Variants in SLITRK5 observed in about 807,000 individuals in gnomAD.
The protein encoded by SLITRK5 is SLIT and NTRK like family member 5.
Under a neutral mutation model 56.2 loss-of-function variants are expected in SLITRK5, and 23 were observed. The ratio of observed to expected loss-of-function variants is 0.41; its 90% CI spans 0.29 to 0.58. The LOEUF is 0.58. Among genes scored for constraint, SLITRK5 ranks in the 20% least tolerant of loss-of-function variants. The pLI, the probability that SLITRK5 is intolerant of heterozygous loss-of-function variation, is 0.30. For missense variants in SLITRK5, 1,289 were observed against 1,226.6 expected (o/e 1.05, Z -0.76); for synonymous variants, 637 against 531.8 (o/e 1.20, Z -2.72).
chr13:87,674,778 G>C (rs1877198165), intron 1 of SLITRK5, among the ~76,000 whole-genome samples: 1 of 152,004 alleles, frequency 6.6e-6, no homozygotes, highest in South Asian at 2.1e-4. Context: ...AGCTTCTTGG[G>C]GCTCCTTTGA....
In SLITRK5 at chr13:87,677,645, C is replaced by A; in HGVS notation, c.2257C>A (p.Pro753Thr). 6.2e-7 allele frequency: 1 copy of A among 1,608,258 alleles called. No homozygotes were observed. The highest frequency in any genetic ancestry group is 8.5e-7 in the Non-Finnish European group (1 of 1,175,626). The change falls in exon 2 of 2, where the codon CCC becomes ACC. Residue 753 changes from proline to threonine, a missense_variant. By Grantham distance (38) the Pro-to-Thr change is conservative. Coordinates refer to ENST00000683689, the MANE Select transcript of SLITRK5 (RefSeq NM_001384609.1). The surrounding 1 kb of genome is among the most constrained non-coding windows in gnomAD (Gnocchi z 4.7). ...CGCGGGCCACGTGTATGAATACATC[C>A]CCCACCCACTGGGCCACATGTGCAA... ...TPAGHVYEYIPHPLGHMCKNP... is the reference protein window; with the variant it reads ...TPAGHVYEYITHPLGHMCKNP...
chr13:87,674,439 C>A, intron 1 of SLITRK5: 1 of 983,478 alleles, frequency 1.0e-6, no homozygotes, highest in Non-Finnish European at 1.2e-6. Flanking sequence ...CCTTGGTGTA[C>A]TGATTCCCGG....
rs1454179401 is a variant in SLITRK5 at position 87,671,446 on chromosome 13, A to G, written c.-772A>G. Among the ~76,000 whole-genome samples the G allele has an allele frequency of 6.6e-6, 1 of 152,016 alleles. No individual in the cohort carries two copies. Among genetic ancestry groups the G allele is most frequent in the African/African-American group, 2.4e-5 (1 of 41,408 alleles). ...CGCACCAGAGGCGCGACAATAAACA[A>G]GTGCACTGGACTGGGCCCTGCACCC... is the stretch of plus-strand genomic sequence containing the variant. On this transcript the variant is annotated 5_prime_UTR_variant, in exon 1 of 2. Transcript: ENST00000683689.
chr13:87,678,395 G>T lies in SLITRK5; in HGVS notation c.*130G>T, dbSNP rs567405547. 8.0e-5 allele frequency: 71 copies of T among 890,036 alleles called. No individual in the cohort carries two copies. In the African/African-American group the frequency reaches 1.1e-3, roughly 14 times the overall value. 55.1% of individuals were successfully genotyped at this position (890,036 alleles called of 1,614,324 possible). On this transcript the variant is annotated 3_prime_UTR_variant, in exon 2 of 2. Transcript: ENST00000683689. ...AAGTGCCTTGGCACGGGATTTCTCA[G>T]CTTCGGTGGAAGATACGAAAAGGGT...
chr13:87,674,007 AACACACACAC>A (rs71101016), intron 1 of SLITRK5, among the ~76,000 whole-genome samples: 84 of 142,608 alleles, frequency 5.9e-4, no homozygotes, highest in Middle Eastern at 3.7e-3. Flanking sequence ...CGCACACACA[AACACACACAC>A]ACACACACAC....
Position 87,678,636 on chromosome 13 carries a change from T to A in SLITRK5, c.*371T>A. ...AGCATAGATTCTACTCTTCCTCTTT[T>A]GCTTCCTCCCCCTCCCCCGCCCCTG... On this transcript the variant is annotated 3_prime_UTR_variant, in exon 2 of 2. Transcript: ENST00000683689. 5.2e-6 allele frequency: 1 copy of A among 192,172 alleles called. No individual in the cohort carries two copies. Among genetic ancestry groups the A allele is most frequent in the Non-Finnish European group, 1.2e-5 (1 of 85,204 alleles). The allele number at this position is 192,172 out of a possible 1,614,324, so 11.9% of individuals were successfully genotyped here.
In SLITRK5 at chr13:87,677,994, C is replaced by T. The variant is rs755385290; in HGVS notation, c.2606C>T (p.Pro869Leu). The T allele has an allele frequency of 1.9e-6, 3 of 1,614,154 alleles. No homozygotes were observed. The highest frequency in any genetic ancestry group is 2.2e-5 in the South Asian group (2 of 91,086). The change falls in exon 2 of 2, where the codon CCC (proline) becomes CTC (leucine). Residue 869 changes from proline to leucine, a missense_variant. Pro to Leu is a moderately conservative substitution (Grantham distance 98, BLOSUM62 -3). Around this residue, in one of 3 missense-constraint regions of SLITRK5, gnomAD observed 985 missense variants for 906.0 expected, o/e 1.09. Transcript: ENST00000683689. The surrounding 1 kb of genome is among the most constrained non-coding windows in gnomAD (Gnocchi z 4.7). Reference sequence around the variant, plus strand: ...CCAGACAAACACTGCTCCACCACCCCCGCCGGCAATAGCCTCCCGGAATAT... The same window carrying T: ...CCAGACAAACACTGCTCCACCACCCTCGCCGGCAATAGCCTCCCGGAATAT... Reference protein sequence around the residue: ...LEPDKHCSTTPAGNSLPEYPK... With the variant: ...LEPDKHCSTTLAGNSLPEYPK...
rs753905796 is a variant in SLITRK5 at position 87,677,803 on chromosome 13, A to ACAGCAGCAGCCCCCGCAGCAGCCG, written c.2431_2432insAGCAGCCGCAGCAGCAGCCCCCGC (p.Gln803_Pro810dup). 3.7e-6 allele frequency: 6 copies of ACAGCAGCAGCCCCCGCAGCAGCCG among 1,609,382 alleles called. No individual in the cohort carries two copies. In the South Asian group the frequency reaches 5.5e-5, roughly 15 times the overall value. On this transcript the variant is annotated inframe_insertion, in exon 2 of 2. Transcript: ENST00000683689. The surrounding 1 kb of genome is among the most constrained non-coding windows in gnomAD (Gnocchi z 4.7). The stretch of plus-strand genomic sequence containing the variant: ...AGCCGCCGCCGCCACCGCAGCAGCC[A>ACAGCAGCAGCCCCCGCAGCAGCCG]CAGCAGCAGCCCCCGCCGCAGCTGC...
chr13:87,677,538 ACGGCGG>A lies in SLITRK5; in HGVS notation c.2161_2166del (p.Gly721_Gly722del). On this transcript the variant is annotated inframe_deletion, in exon 2 of 2. Transcript: ENST00000683689. The surrounding 1 kb of genome is among the most constrained non-coding windows in gnomAD (Gnocchi z 4.7). ...TCCTTTAACATGCAGTACAGCGTGTACGGCGGCGGCGGCGGCACGGGCGGCCACCCA... is the reference window on the plus strand; with the variant it reads ...TCCTTTAACATGCAGTACAGCGTGTACGGCGGCGGCACGGGCGGCCACCCA... 1 of 1,608,288 alleles carries A rather than the reference ACGGCGG, an allele frequency of 6.2e-7. No individual in the cohort carries two copies. The highest frequency in any genetic ancestry group is 8.5e-7 in the Non-Finnish European group (1 of 1,176,512).
chr13:87,672,469 G>A lies in SLITRK5; in HGVS notation c.-9+260G>A, dbSNP rs1247537285. ...GGCTCCGGCTCCCGGCCCCTACCGCGAGGCGCCTCTCCAGCCGGACCTCCG... is the reference window on the plus strand; with the variant it reads ...GGCTCCGGCTCCCGGCCCCTACCGCAAGGCGCCTCTCCAGCCGGACCTCCG... On this transcript the variant is annotated intron_variant, in intron 1 of 1. Transcript: ENST00000683689. 3 of 115,924 alleles carry A rather than the reference G, an allele frequency of 2.6e-5. No individual in the cohort carries two copies. In the East Asian group the frequency reaches 9.8e-4, roughly 38 times the overall value. 7.2% of individuals were successfully genotyped at this position (115,924 alleles called of 1,614,324 possible).
In SLITRK5 at chr13:87,677,938, C is replaced by A; in HGVS notation, c.2550C>A (p.Asp850Glu). 1 of 1,613,836 alleles carries A rather than the reference C, an allele frequency of 6.2e-7. No homozygotes were observed. Residue 850 changes from aspartate (D) to glutamate (E), a missense_variant, in exon 2 of 2, where the codon GAC (aspartate) becomes GAA (glutamate). Transcript: ENST00000683689. This position sits in a 1 kb window ranked among gnomAD's most constrained non-coding sequence, Gnocchi z 4.7. ...AGGACCTGCTGTCGCCGGTGCAGGA[C>A]GCCGACCGCTTTTACAGGGGCATTT... ...PREDLLSPVQ[D>E]ADRFYRGILE...
chr13:87,675,019 T>C (rs1877208078), intron 1 of SLITRK5, among the ~76,000 whole-genome samples: 1 of 151,998 alleles, frequency 6.6e-6, no homozygotes, highest in African/African-American at 2.4e-5. Flanking sequence ...TTCTTTTTTC[T>C]TAAATTAGAA....
At chr13:87,672,645 G>C (rs1877084381) in intron 1 of SLITRK5, 1 of 152,030 alleles carries the variant, frequency 6.6e-6, no homozygotes, top group Admixed American at 6.5e-5. Context: ...CCGCGGCGGC[G>C]GCCCCAGGCT....
chr13:87,677,596 C>A lies in SLITRK5; in HGVS notation c.2208C>A (p.Pro736=). 6.2e-7 allele frequency: 1 copy of A among 1,609,720 alleles called. No homozygotes were observed. Among genetic ancestry groups the A allele is most frequent in the South Asian group, 1.1e-5 (1 of 90,922 alleles). Residue 736 remains proline, a synonymous_variant, in exon 2 of 2, where the codon CCC becomes CCA. Coordinates refer to ENST00000683689, the MANE Select transcript of SLITRK5 (RefSeq NM_001384609.1). This position sits in a 1 kb window ranked among gnomAD's most constrained non-coding sequence, Gnocchi z 4.7. ...ACGCGCACGTGCATCACCGCGGGCCCGCGCTGCCCAAGGTGAAGACGCCCG... is the reference window on the plus strand; with the variant it reads ...ACGCGCACGTGCATCACCGCGGGCCAGCGCTGCCCAAGGTGAAGACGCCCG... ...HPHAHVHHRG[P]ALPKVKTPAG...
chr13:87,676,468 C>T lies in SLITRK5; in HGVS notation c.1080C>T (p.Pro360=). The T allele has an allele frequency of 6.2e-7, 1 of 1,614,100 alleles. No individual in the cohort carries two copies. ...SKDLGYSNYG[P]SIAYQTKSPV... ...ACTTGGGCTACAGCAACTATGGCCC[C>T]AGCATCGCCTATCAGACCAAATCCC... The change falls in exon 2 of 2, where the codon CCC becomes CCT. Residue 360 remains proline (P), a synonymous_variant. Transcript: ENST00000683689.
At chr13:87,675,261 T>C in intron 1 of SLITRK5, 120 bp from the exon 2 acceptor site, 1 of 659,190 alleles carries the variant, frequency 1.5e-6, no homozygotes, top group Non-Finnish European at 2.7e-6. Context: ...AGGTGTGTCA[T>C]TTGTATCTCT....
rs900222428 is a variant in SLITRK5, at chr13:87,673,841, G to A, written c.-8-1540G>A. 3.3e-5 allele frequency among the ~76,000 whole-genome samples: 5 copies of A among 152,152 alleles called. No individual in the cohort carries two copies. The South Asian group carries it at 1.0e-3, about 32-fold the overall frequency. On this transcript the variant is annotated intron_variant, in intron 1 of 1. Coordinates refer to ENST00000683689, the MANE Select transcript of SLITRK5 (RefSeq NM_001384609.1). The stretch of plus-strand genomic sequence containing the variant: ...CTCCAGGCTTGAACCCGCTGTCTCG[G>A]AAACATCTTGGCTTTAGTTTGGAGT...
rs764446948 is a variant in SLITRK5 at position 87,678,085 on chromosome 13, T to C, written c.2697T>C (p.His899=). ...FSPNYDLRRP[H]QYLHPGAGDS... is the part of the protein sequence containing the mutation. ...CCAACTATGACCTGAGACGCCCCCA[T>C]CAGTATTTGCACCCGGGGGCAGGGG... The change falls in exon 2 of 2, where the codon CAT becomes CAC. Residue 899 remains histidine, a synonymous_variant. Coordinates refer to ENST00000683689, the MANE Select transcript of SLITRK5 (RefSeq NM_001384609.1). 6.2e-7 allele frequency: 1 copy of C among 1,614,088 alleles called. No individual in the cohort carries two copies. The highest frequency in any genetic ancestry group is 8.5e-7 in the Non-Finnish European group (1 of 1,179,960).
intron 1 of SLITRK5, among the ~76,000 whole-genome samples, chr13:87,674,978 A>G (rs1312581675): frequency 6.6e-6 from 1 of 151,578 alleles, no homozygotes; most frequent in Non-Finnish European, 1.5e-5. Flanking sequence ...GGCTGGGTAT[A>G]GGTGAGGTGG....
Sources: gnomAD v4.1 joint callset for allele counts (sites outside exome capture counted in the v4.1 genomes callset) on GRCh38, gnomAD v4.1.1 for gene constraint, gnomAD v4.1.1 regional missense constraint, Gnocchi (gnomAD v3.1) non-coding constraint, MANE v1.5 for transcripts, NCBI Gene and HGNC (gene_info 2026-07-23, HGNC 2026-07-21) for gene names.